The following ABTB3 variants were observed in gnomAD, a reference collection of about 807,000 sequenced individuals.
ABTB3 encodes ankyrin repeat and BTB domain containing 3.
chr12:107,576,759 T>C, the ABTB3 span, among the ~76,000 whole-genome samples: 1 of 152,146 alleles, frequency 6.6e-6, no homozygotes, highest in African/African-American at 2.4e-5. Context: ...CCATACCTAC[T>C]CCGCACTCTT....
At chr12:107,646,098 C>A in the ABTB3 span, among the ~76,000 whole-genome samples, 3 of 152,240 alleles carry the variant, frequency 2.0e-5, no homozygotes, top group Non-Finnish European at 4.4e-5. Context: ...AAGGGCCGGA[C>A]GCAGCTGAGG....
the ABTB3 span, chr12:107,612,734 C>G: frequency 6.5e-7 from 1 of 1,533,028 alleles, no homozygotes; most frequent in Non-Finnish European, 8.9e-7. Context: ...TTGACCACAG[C>G]CACCTTGTAA....
At chr12:107,590,289 T>G in the ABTB3 span, among the ~76,000 whole-genome samples, 1 of 152,186 alleles carries the variant, frequency 6.6e-6, no homozygotes, top group Non-Finnish European at 1.5e-5. Context: ...GGTGTAGAAC[T>G]CAGAAGAGAG....
the ABTB3 span, among the ~76,000 whole-genome samples, chr12:107,543,492 G>C: frequency 6.6e-6 from 1 of 152,104 alleles, no homozygotes; most frequent in Non-Finnish European, 1.5e-5. Context: ...AGAAGAAGAG[G>C]GAGAGAATGT....
At chr12:107,548,724 T>C in the ABTB3 span, among the ~76,000 whole-genome samples, 1 of 152,228 alleles carries the variant, frequency 6.6e-6, no homozygotes, top group African/African-American at 2.4e-5. Flanking sequence ...TAATGATAAA[T>C]GAAAACACCT....
At chr12:107,569,076 G>C in the ABTB3 span, among the ~76,000 whole-genome samples, 1 of 152,296 alleles carries the variant, frequency 6.6e-6, no homozygotes, top group East Asian at 1.9e-4. Flanking sequence ...AAGGGAACTA[G>C]AATATCATCT....
chr12:107,452,835 C>G, the ABTB3 span, among the ~76,000 whole-genome samples: 1 of 152,086 alleles, frequency 6.6e-6, no homozygotes, highest in Non-Finnish European at 1.5e-5. Context: ...GAGTGAAACT[C>G]CATCTCAAAA....
chr12:107,444,463 C>T, the ABTB3 span, among the ~76,000 whole-genome samples: 2 of 152,104 alleles, frequency 1.3e-5, no homozygotes, highest in Admixed American at 1.3e-4. Context: ...TTAGCATAGA[C>T]TAGATGCTGA....
At chr12:107,487,845 C>T in the ABTB3 span, among the ~76,000 whole-genome samples, 1 of 152,108 alleles carries the variant, frequency 6.6e-6, no homozygotes, top group Admixed American at 6.5e-5. Context: ...ATTTGATCAC[C>T]ATCAACTGAG....
chr12:107,362,945 C>G, the ABTB3 span, among the ~76,000 whole-genome samples: 1 of 152,184 alleles, frequency 6.6e-6, no homozygotes, highest in East Asian at 1.9e-4. Flanking sequence ...AGGATCCTGT[C>G]CTAATTCACC....
the ABTB3 span, among the ~76,000 whole-genome samples, chr12:107,607,034 G>T: frequency 6.6e-6 from 1 of 152,108 alleles, no homozygotes; most frequent in Non-Finnish European, 1.5e-5. Flanking sequence ...GCAGCAAGGG[G>T]TCCCCCCTCC....
At chr12:107,382,683 C>T in the ABTB3 span, among the ~76,000 whole-genome samples, 6 of 151,802 alleles carry the variant, frequency 4.0e-5, no homozygotes, top group African/African-American at 1.4e-4. Flanking sequence ...CACTGCATGT[C>T]CTCACTCATA....
At chr12:107,440,758 G>A in the ABTB3 span, among the ~76,000 whole-genome samples, 1 of 152,196 alleles carries the variant, frequency 6.6e-6, no homozygotes, top group African/African-American at 2.4e-5. Context: ...AAGGGAGGCA[G>A]GGAAATGAAA....
chr12:107,647,948 TGAAGGGACC>T, the ABTB3 span, among the ~76,000 whole-genome samples: 1 of 152,194 alleles, frequency 6.6e-6, no homozygotes, highest in Non-Finnish European at 1.5e-5. Flanking sequence ...CTGAAGGGAC[TGAAGGGACC>T]ATTGAGGACA....
At chr12:107,324,922 G>C in the ABTB3 span, among the ~76,000 whole-genome samples, 1 of 152,130 alleles carries the variant, frequency 6.6e-6, no homozygotes, top group Admixed American at 6.5e-5. Flanking sequence ...GCTGAACTTA[G>C]TTTTCTCATC....
chr12:107,383,024 C>A, the ABTB3 span, among the ~76,000 whole-genome samples: 2 of 152,288 alleles, frequency 1.3e-5, no homozygotes, highest in South Asian at 4.2e-4. Context: ...GTCCCCTCAC[C>A]TCCTCAATGG....
At chr12:107,419,799 C>A in the ABTB3 span, among the ~76,000 whole-genome samples, 1 of 152,206 alleles carries the variant, frequency 6.6e-6, no homozygotes, top group African/African-American at 2.4e-5. Flanking sequence ...GACTTGCTAA[C>A]CTTGATTCGA....
At chr12:107,500,247 G>T in the ABTB3 span, among the ~76,000 whole-genome samples, 1 of 152,178 alleles carries the variant, frequency 6.6e-6, no homozygotes, top group Non-Finnish European at 1.5e-5. Flanking sequence ...TGAGGGAAGA[G>T]CCTGCGCCCG....
the ABTB3 span, among the ~76,000 whole-genome samples, chr12:107,413,440 T>C: frequency 6.6e-6 from 1 of 152,188 alleles, no homozygotes; most frequent in Non-Finnish European, 1.5e-5. Context: ...TCACGCTTAC[T>C]GTTGGATATT....
Sources: gnomAD v4.1 joint callset for allele counts (sites outside exome capture counted in the v4.1 genomes callset) on GRCh38, gnomAD v4.1.1 for gene constraint, MANE v1.5 for transcripts, NCBI Gene and HGNC (gene_info 2026-07-23, HGNC 2026-07-21) for gene names.